Variants in FAHD2A observed in about 807,000 individuals in gnomAD.
FAHD2A encodes oxaloacetate tautomerase FAHD2A, mitochondrial.
Under a neutral mutation model 33.4 loss-of-function variants are expected in FAHD2A, and 27 were observed. The ratio of observed to expected loss-of-function variants is 0.81; its 90% CI spans 0.60 to 1.11. The LOEUF (loss-of-function observed/expected upper bound fraction) is 1.11. Among genes scored for constraint, FAHD2A ranks in the 50% most tolerant of loss-of-function variants. The pLI is 0.00. For synonymous variants in FAHD2A, 130 were observed against 153.3 expected, an observed-to-expected ratio of 0.85 and a Z score of 1.12; for missense variants, 296 against 395.0, an observed-to-expected ratio of 0.75 and a Z score of 2.12.
At chr2:95,419,693 T>A (rs1683287172), downstream of FAHD2A, among the ~76,000 whole-genome samples, 1 of 152,036 alleles carries the variant, frequency 6.6e-6, no homozygotes, top group Non-Finnish European at 1.5e-5. Flanking sequence ...GCAAAGATGC[T>A]GTATTAGTCA....
Position 95,406,939 on chromosome 2 carries a change from A to G in FAHD2A, c.246-2A>G, listed in dbSNP as rs1483915160. 1.2e-6 allele frequency: 2 copies of G among 1,611,300 alleles called. No individual in the cohort carries two copies. The highest frequency in any genetic ancestry group is 1.1e-5 in the South Asian group (1 of 90,610). On this transcript the variant is annotated splice_acceptor_variant, in intron 2 of 7. Transcript: ENST00000233379. LOFTEE classifies it high-confidence loss of function. ...CCCTCTCACCTGCTCTGGTCTCTAC[A>G]GAGCCCTGGCTGCCCAGTTGCCAGT...
chr2:95,417,248 G>A (rs868579125), downstream of FAHD2A, among the ~76,000 whole-genome samples: 85 of 152,342 alleles, frequency 5.6e-4, no homozygotes, highest in African/African-American at 1.9e-3. Flanking sequence ...CCTTAATGCT[G>A]AATCCTAAAC....
downstream of FAHD2A, among the ~76,000 whole-genome samples, chr2:95,419,984 G>T (rs1376321447): frequency 6.6e-6 from 1 of 151,994 alleles, no homozygotes; most frequent in African/African-American, 2.4e-5. Context: ...AAGCCCAAAG[G>T]CCTGACCACT....
chr2:95,410,460 C>T (rs1176341411), intron 3 of FAHD2A, 67 bp from the exon 4 acceptor site: 2 of 1,555,908 alleles, frequency 1.3e-6, no homozygotes, highest in East Asian at 2.4e-5. Flanking sequence ...GCATGGTGTG[C>T]AGCCTCTCAG....
In FAHD2A at chr2:95,407,353, A is replaced by G. The variant is rs1393682539; in HGVS notation, c.462+196A>G. 9 of 726,954 alleles carry G rather than the reference A, an allele frequency of 1.2e-5. No homozygotes were observed. The East Asian group carries it at 1.9e-4, about 15-fold the overall frequency. The allele number at this position is 726,954 out of a possible 1,614,324, so 45.0% of individuals were successfully genotyped here. A position where few individuals can be genotyped will look rare whatever the true frequency, so the allele number is the denominator to read the frequency against. On this transcript the variant is annotated intron_variant, in intron 3 of 7. Transcript: ENST00000233379. ...ACGTGTTTTCCTGGTTACAAAAGCA[A>G]TGCACCTTCACTGTAGATAATAAAA...
intron 1 of FAHD2A, 188 bp downstream of exon 1, chr2:95,403,060 C>T (rs1680973228): frequency 6.6e-6 from 1 of 152,490 alleles, no homozygotes; most frequent in African/African-American, 2.4e-5. Flanking sequence ...GGCACGGGTT[C>T]CAGGCGAGTG....
downstream of FAHD2A, among the ~76,000 whole-genome samples, chr2:95,420,069 C>A (rs1463283012): frequency 2.0e-5 from 3 of 151,996 alleles, no homozygotes; most frequent in African/African-American, 4.8e-5. Context: ...AGACAGAGGG[C>A]AAATTCACTT....
chr2:95,405,829 G>A, intron 2 of FAHD2A, 26 bp downstream of exon 2: 1 of 1,552,692 alleles, frequency 6.4e-7, no homozygotes, highest in Non-Finnish European at 8.7e-7. Context: ...GCATCGCCCT[G>A]AAGCAGCTGC....
downstream of FAHD2A, among the ~76,000 whole-genome samples, chr2:95,418,390 C>A (rs1339012102): frequency 6.6e-6 from 1 of 151,862 alleles, no homozygotes; most frequent in Non-Finnish European, 1.5e-5. Context: ...CTGTTCCCTA[C>A]TTAGAAGAGA....
Position 95,413,847 on chromosome 2 carries a change from A to C in FAHD2A, c.*890A>C. ...CCAAGTAAATCCCAGGGTCTTAATGAGGCACCATCAGGCCAGCCCTGTGGG... is the reference window on the plus strand; with the variant it reads ...CCAAGTAAATCCCAGGGTCTTAATGCGGCACCATCAGGCCAGCCCTGTGGG... On this transcript the variant is annotated 3_prime_UTR_variant, in exon 8 of 8. Coordinates refer to ENST00000233379, the MANE Select transcript of FAHD2A (RefSeq NM_016044.3). The C allele has an allele frequency of 1.3e-6, 1 of 757,808 alleles. No individual in the cohort carries two copies. The highest frequency in any genetic ancestry group is 2.1e-5 in the Admixed American group (1 of 47,304). The allele number at this position is 757,808 out of a possible 1,614,324, so 46.9% of individuals were successfully genotyped here.
intron 6 of FAHD2A, 31 bp from the exon 7 acceptor site, chr2:95,412,646 G>A (rs765986219): frequency 6.2e-7 from 1 of 1,613,718 alleles, no homozygotes; most frequent in Non-Finnish European, 8.5e-7. Flanking sequence ...GCCAGCCCCT[G>A]GTCTCACCGG....
intron 5 of FAHD2A, among the ~76,000 whole-genome samples, chr2:95,411,657 C>A (rs1400826209): frequency 6.6e-6 from 1 of 152,246 alleles, no homozygotes; most frequent in Admixed American, 6.5e-5. Flanking sequence ...GGGGGTAGAA[C>A]ACTAGGACCA....
chr2:95,413,336 C>G lies in FAHD2A; in HGVS notation c.*379C>G, dbSNP rs1682837092. 6.8e-7 allele frequency: 1 copy of G among 1,478,146 alleles called. No homozygotes were observed. 91.6% of individuals were successfully genotyped at this position (1,478,146 alleles called of 1,614,324 possible). ...CAAGAGATGGCAAGGGACAATCAAGCCTCAATGATTATATTTATAGCTAAG... is the reference window on the plus strand; with the variant it reads ...CAAGAGATGGCAAGGGACAATCAAGGCTCAATGATTATATTTATAGCTAAG... On this transcript the variant is annotated 3_prime_UTR_variant, in exon 8 of 8. Coordinates refer to ENST00000233379, the MANE Select transcript of FAHD2A (RefSeq NM_016044.3).
chr2:95,418,703 C>G (rs112209282), downstream of FAHD2A, among the ~76,000 whole-genome samples: 605 of 152,042 alleles, frequency 4.0e-3, 3 homozygotes, highest in Middle Eastern at 6.8e-3. Flanking sequence ...GCATTGATGA[C>G]CTTCATGGGA....
chr2:95,415,126 C>T lies in FAHD2A; in HGVS notation c.*2169C>T, dbSNP rs1683032147. 6.6e-6 allele frequency: 1 copy of T among 152,226 alleles called. No homozygotes were observed. Among genetic ancestry groups the T allele is most frequent in the Admixed American group, 6.5e-5 (1 of 15,280 alleles). 9.4% of individuals were successfully genotyped at this position (152,226 alleles called of 1,614,324 possible). On this transcript the variant is annotated 3_prime_UTR_variant, in exon 8 of 8. Transcript: ENST00000233379. ...TTTTTTGTCCCGAAGCCCCCAAATA[C>T]TGCAACCCTGACCCAATGCACGAAG...
chr2:95,412,361 G>A lies in FAHD2A; in HGVS notation c.686-73G>A, dbSNP rs991993980. 3.8e-6 allele frequency: 6 copies of A among 1,585,196 alleles called. No homozygotes were observed. In the African/African-American group the frequency reaches 6.7e-5, roughly 18 times the overall value. On this transcript the variant is annotated intron_variant, in intron 5 of 7. Coordinates refer to ENST00000233379, the MANE Select transcript of FAHD2A (RefSeq NM_016044.3). ...TGCCAAGTCACGAAGCACCCCTACA[G>A]TTGTGTTTGTAAAATATTGGGGGGT...
chr2:95,416,976 G>A (rs1683214520), downstream of FAHD2A, among the ~76,000 whole-genome samples: 1 of 152,202 alleles, frequency 6.6e-6, no homozygotes, highest in African/African-American at 2.4e-5. Flanking sequence ...AGAGCTGTGG[G>A]TGAAAGTCAC....
downstream of FAHD2A, chr2:95,416,681 A>G (rs1315999914): frequency 1.3e-5 from 2 of 152,270 alleles, no homozygotes; most frequent in East Asian, 1.9e-4. Flanking sequence ...CGGGTACCCA[A>G]TAAAAGCTGT....
rs1683121429 is a variant in FAHD2A at position 95,415,930 on chromosome 2, G to A, written c.*2973G>A. 1 of 152,320 alleles carries A rather than the reference G, an allele frequency of 6.6e-6. No individual in the cohort carries two copies. Among genetic ancestry groups the A allele is most frequent in the South Asian group, 2.1e-4 (1 of 4,828 alleles). The allele number at this position is 152,320 out of a possible 1,614,324, so 9.4% of individuals were successfully genotyped here. A position where few individuals can be genotyped will look rare whatever the true frequency, so the allele number is the denominator to read the frequency against. ...TCAGTGCCGACCTGTTAAGGCCGTC[G>A]AGAGCATCAAATGCTACTGTTCAGC... On this transcript the variant is annotated 3_prime_UTR_variant, in exon 8 of 8. Transcript: ENST00000233379.
Sources: gnomAD v4.1 joint callset for allele counts (sites outside exome capture counted in the v4.1 genomes callset) on GRCh38, gnomAD v4.1.1 for gene constraint, MANE v1.5 for transcripts, NCBI Gene and HGNC (gene_info 2026-07-23, HGNC 2026-07-21) for gene names.